The following SAMD9L variants were observed in gnomAD, a reference collection of about 807,000 sequenced individuals.
SAMD9L encodes sterile alpha motif domain-containing protein 9-like.
In SAMD9L, 68 loss-of-function variants were observed where a neutral mutation model predicts 90.7. The observed-to-expected ratio is 0.75, with a 90% CI of 0.62 to 0.92. The LOEUF is 0.92. SAMD9L is among the 40% of genes least tolerant of loss of function. The pLI is 0.00. For synonymous variants in SAMD9L, 640 were observed against 630.1 expected, an observed-to-expected ratio of 1.02 and a Z score of -0.23; for missense variants, 1,604 against 1,824.3, an observed-to-expected ratio of 0.88 and a Z score of 2.20.
chr7:93,143,716 A>G (rs1792784709), intron 4 of SAMD9L, among the ~76,000 whole-genome samples: 1 of 152,258 alleles, frequency 6.6e-6, no homozygotes, highest in Non-Finnish European at 1.5e-5. Flanking sequence ...GAATATATTT[A>G]ACAACTTGAA....
intron 4 of SAMD9L, among the ~76,000 whole-genome samples, chr7:93,141,486 C>G (rs1402118769): frequency 6.6e-6 from 1 of 152,176 alleles, no homozygotes; most frequent in Non-Finnish European, 1.5e-5. Context: ...GATATATGCC[C>G]CTCCCACTCC....
chr7:93,134,447 A>G lies in SAMD9L; in HGVS notation c.1525T>C (p.Tyr509His), dbSNP rs1214649309. The G allele has an allele frequency of 3.1e-6, 5 of 1,613,926 alleles. No homozygotes were observed. Among genetic ancestry groups the G allele is most frequent in the African/African-American group, 1.3e-5 (1 of 75,022 alleles). Residue 509 changes from tyrosine (Y) to histidine (H), a missense_variant, in exon 5 of 5, where the codon TAT (tyrosine) becomes CAT (histidine). By Grantham distance (83) the Tyr-to-His change is moderately conservative. Transcript: ENST00000318238. ...CATAAATGTGGTTCTAGAGGTTTAT[A>G]TGTCTCGCTTTTCAGGTCTGATCTG... ...NGRSDLKSET[Y>H]KPLEPHLWQR...
Position 93,134,229 on chromosome 7 carries a change from A to G in SAMD9L, c.1743T>C (p.Ser581=), listed in dbSNP as rs767875470. The G allele has an allele frequency of 5.0e-6, 8 of 1,613,250 alleles. No homozygotes were observed. The Admixed American group carries it at 1.3e-4, about 27-fold the overall frequency. ...LKGMENMLCI[S]VNSHIYQRWK... ...ATCGTTGATAAATATGTGAGTTTAC[A>G]GAGATACACAACATATTTTCCATTC... The change falls in exon 5 of 5, where the codon TCT becomes TCC. Residue 581 remains serine (S), a synonymous_variant. Transcript: ENST00000318238.
chr7:93,142,602 C>G (rs1426542830), intron 4 of SAMD9L, among the ~76,000 whole-genome samples: 2 of 152,192 alleles, frequency 1.3e-5, no homozygotes, highest in Non-Finnish European at 2.9e-5. Context: ...TAACACTTCT[C>G]CTCAGGTTTT....
rs531604437 is a variant in SAMD9L at position 93,134,939 on chromosome 7, C to G, written c.1033G>C (p.Glu345Gln). The G allele has an allele frequency of 6.2e-7, 1 of 1,613,728 alleles. No individual in the cohort carries two copies. Among genetic ancestry groups the G allele is most frequent in the Admixed American group, 1.7e-5 (1 of 60,014 alleles). The change falls in exon 5 of 5, where the codon GAA (glutamate) becomes CAA (glutamine). Residue 345 changes from glutamate to glutamine, a missense_variant. By Grantham distance (29) the Glu-to-Gln change is conservative (BLOSUM62 2). Coordinates refer to ENST00000318238, the MANE Select transcript of SAMD9L (RefSeq NM_152703.5). ...QNQNLSLFVR[E>Q]GASSRDILAN... ...AGGATATCCCTAGAGCTAGCCCCTT[C>G]TCTTACAAACAGTGAAAGATTTTGG...
Position 93,133,820 on chromosome 7 carries a change from G to A in SAMD9L, c.2152C>T (p.Leu718Phe). 6.2e-7 allele frequency: 1 copy of A among 1,613,522 alleles called. No homozygotes were observed. Among genetic ancestry groups the A allele is most frequent in the Non-Finnish European group, 8.5e-7 (1 of 1,179,806 alleles). Residue 718 changes from leucine to phenylalanine, a missense_variant, in exon 5 of 5, where the codon CTT (leucine) becomes TTT (phenylalanine). This residue lies in a region of SAMD9L where 606 missense variants were observed against 717.6 expected (regional missense o/e 0.84). Coordinates refer to ENST00000318238, the MANE Select transcript of SAMD9L (RefSeq NM_152703.5). ...DFVKRDSYEK[L>F]KDLIHCWAES... is the part of the protein sequence containing the mutation. The stretch of plus-strand genomic sequence containing the variant: ...GCCCAGCAGTGTATTAAATCTTTAA[G>A]CTTTTCATAACTGTCCCTTTTAACA...
chr7:93,139,033 AAT>A (rs780229162), intron 4 of SAMD9L, among the ~76,000 whole-genome samples: 88 of 152,150 alleles, frequency 5.8e-4, no homozygotes, highest in Non-Finnish European at 4.7e-4. Context: ...AAATTTGCTG[AAT>A]ACTTACTTTT....
chr7:93,146,345 C>T (rs1006083415), intron 2 of SAMD9L, among the ~76,000 whole-genome samples: 2 of 152,182 alleles, frequency 1.3e-5, no homozygotes, highest in African/African-American at 2.4e-5. Context: ...CACTGTTTGG[C>T]CAGCCTACTG....
At position 93,145,652 on chromosome 7, in the gene SAMD9L, G is replaced by A. The variant is rs1451502352; in HGVS notation, c.-390C>T. 3 of 152,190 alleles carry A rather than the reference G, an allele frequency of 2.0e-5. No individual in the cohort carries two copies. Among genetic ancestry groups the A allele is most frequent in the Non-Finnish European group, 2.9e-5 (2 of 68,036 alleles). 9.4% of individuals were successfully genotyped at this position (152,190 alleles called of 1,614,324 possible). ...AAATGCAATAGACTGGACTGCTGCT[G>A]AGGAAATGTTTATGAAACAGATTTT... On this transcript the variant is annotated 5_prime_UTR_variant, in exon 3 of 5. Coordinates refer to ENST00000318238, the MANE Select transcript of SAMD9L (RefSeq NM_152703.5).
intron 3 of SAMD9L, among the ~76,000 whole-genome samples, 188 bp downstream of exon 3, chr7:93,145,197 A>G (rs764513442): frequency 6.6e-6 from 1 of 152,228 alleles, no homozygotes; most frequent in Non-Finnish European, 1.5e-5. Context: ...CACAAGTTAC[A>G]TCTATTGATT....
In SAMD9L at chr7:93,131,233, T is replaced by G; in HGVS notation, c.4739A>C (p.Asp1580Ala). Reference protein sequence around the residue: ...GFSIEGPLAYDIEVI With the variant: ...GFSIEGPLAYAIEVI Reference sequence around the variant, plus strand: ...TGTATTGTCTTAAATTACTTCTATATCATATGCCAGAGGGCCTTCAATGGA... The same window carrying G: ...TGTATTGTCTTAAATTACTTCTATAGCATATGCCAGAGGGCCTTCAATGGA... The change falls in exon 5 of 5, where the codon GAT becomes GCT. Residue 1580 changes from aspartate to alanine, a missense_variant. Asp to Ala is a moderately radical substitution (Grantham distance 126). Coordinates refer to ENST00000318238, the MANE Select transcript of SAMD9L (RefSeq NM_152703.5). 6.4e-7 allele frequency: 1 copy of G among 1,555,056 alleles called. No homozygotes were observed. The highest frequency in any genetic ancestry group is 2.0e-5 in the Admixed American group (1 of 50,164).
At chr7:93,142,478 A>G (rs995344706) in intron 4 of SAMD9L, among the ~76,000 whole-genome samples, 9 of 152,268 alleles carry the variant, frequency 5.9e-5, no homozygotes, top group African/African-American at 2.2e-4. Flanking sequence ...TTAGCCAGTC[A>G]TAATTAGTAA....
At chr7:93,140,806 A>C (rs779404141) in intron 4 of SAMD9L, among the ~76,000 whole-genome samples, 7 of 152,204 alleles carry the variant, frequency 4.6e-5, no homozygotes, top group Non-Finnish European at 7.3e-5. Flanking sequence ...TCACCTATTC[A>C]GGAAGTTGCT....
At chr7:93,144,469 A>C (rs1792815249) in intron 4 of SAMD9L, among the ~76,000 whole-genome samples, 1 of 152,244 alleles carries the variant, frequency 6.6e-6, no homozygotes, top group Non-Finnish European at 1.5e-5. Flanking sequence ...GAGATGACTC[A>C]AAGTACACGG....
chr7:93,136,692 C>T (rs1792467024), intron 4 of SAMD9L, among the ~76,000 whole-genome samples: 1 of 152,150 alleles, frequency 6.6e-6, no homozygotes, highest in African/African-American at 2.4e-5. Flanking sequence ...TGATATGAGG[C>T]TAATGAAGAT....
In SAMD9L at chr7:93,131,046, G is replaced by T. The variant is rs974644535; in HGVS notation, c.*171C>A. 6.0e-6 allele frequency: 3 copies of T among 496,392 alleles called. No homozygotes were observed. Among genetic ancestry groups the T allele is most frequent in the Non-Finnish European group, 1.1e-5 (3 of 284,094 alleles). The allele number at this position is 496,392 out of a possible 1,614,324, so 30.7% of individuals were successfully genotyped here. On this transcript the variant is annotated 3_prime_UTR_variant, in exon 5 of 5. Transcript: ENST00000318238. The stretch of plus-strand genomic sequence containing the variant: ...CTCCACTTTGTGCCAAGCTCTGCGG[G>T]TAGGCATATTTCATATCTTAAAAAG...
At chr7:93,139,765 G>A (rs374613505) in intron 4 of SAMD9L, among the ~76,000 whole-genome samples, 165 of 152,154 alleles carry the variant, frequency 1.1e-3, no homozygotes, top group Non-Finnish European at 1.9e-3. Flanking sequence ...CAAGCCCTCC[G>A]TCCTCTCTGT....
chr7:93,144,310 A>G (rs1209920414), intron 4 of SAMD9L, among the ~76,000 whole-genome samples: 1 of 152,190 alleles, frequency 6.6e-6, no homozygotes, highest in Non-Finnish European at 1.5e-5. Flanking sequence ...TGTGGGTTCA[A>G]TCAACCACAG....
At chr7:93,142,191 C>T (rs1792719283) in intron 4 of SAMD9L, among the ~76,000 whole-genome samples, 1 of 152,168 alleles carries the variant, frequency 6.6e-6, no homozygotes, top group Non-Finnish European at 1.5e-5. Flanking sequence ...TTGCTCTTCC[C>T]TGCTTCAAGT....
Sources: allele counts gnomAD v4.1 joint callset (sites outside exome capture counted in the v4.1 genomes callset), GRCh38; gene constraint gnomAD v4.1.1; regional missense constraint gnomAD v4.1.1; transcripts MANE v1.5; gene names NCBI Gene and HGNC (gene_info 2026-07-23, HGNC 2026-07-21).